IKZF2: variants seen among roughly 807,000 people sequenced by gnomAD.
The protein encoded by IKZF2 is IKAROS family zinc finger 2.
In IKZF2, 15 loss-of-function variants were observed where a neutral mutation model predicts 49.2. The observed-to-expected ratio is 0.30, with a 90% CI of 0.20 to 0.47. The LOEUF (loss-of-function observed/expected upper bound fraction) is 0.47, where lower values mean the gene tolerates loss of function less well. Ranked by LOEUF, IKZF2 falls within the 20% of genes least tolerant of loss-of-function variation. The pLI is 1.00. For synonymous variants in IKZF2, 227 were observed against 221.4 expected (o/e 1.03, Z -0.23); for missense variants, 567 against 664.6 (o/e 0.85, Z 1.61).
At chr2:213,124,705 TACA>T (rs1169673982) in intron 4 of IKZF2, among the ~76,000 whole-genome samples, 2 of 152,224 alleles carry the variant, frequency 1.3e-5, no homozygotes, top group African/African-American at 2.4e-5. Context: ...TGAATAAGTA[TACA>T]ACAACAACAA....
chr2:213,029,171 TATA>T (rs746581861), intron 6 of IKZF2, among the ~76,000 whole-genome samples: 4 of 152,050 alleles, frequency 2.6e-5, no homozygotes, highest in Non-Finnish European at 5.9e-5. Context: ...TAATGCTGAA[TATA>T]ATAATTTGTT....
chr2:213,042,146 TC>T (rs2125275789), intron 6 of IKZF2, among the ~76,000 whole-genome samples: 1 of 152,220 alleles, frequency 6.6e-6, no homozygotes, highest in East Asian at 1.9e-4. Flanking sequence ...ATTTTTTTTT[TC>T]AATCATTAGG....
intron 7 of IKZF2, among the ~76,000 whole-genome samples, chr2:213,021,241 T>A (rs1294257681): frequency 6.6e-6 from 1 of 151,604 alleles, no homozygotes; most frequent in Non-Finnish European, 1.5e-5. Context: ...TAAAAAATAA[T>A]TTAAAAAAAT....
At chr2:213,061,032 A>C (rs1003978826) in intron 4 of IKZF2, among the ~76,000 whole-genome samples, 30 of 151,588 alleles carry the variant, frequency 2.0e-4, no homozygotes, top group Admixed American at 9.2e-4. Flanking sequence ...TATGCTTTCA[A>C]AATACTATTT....
intron 4 of IKZF2, among the ~76,000 whole-genome samples, chr2:213,130,046 C>A (rs1365981329): frequency 2.0e-5 from 3 of 152,230 alleles, no homozygotes; most frequent in African/African-American, 2.4e-5. Flanking sequence ...ATGTTTTCTG[C>A]TCACTAAGTA....
intron 4 of IKZF2, among the ~76,000 whole-genome samples, chr2:213,146,762 G>GGGGGA (rs1553604959): frequency 7.4e-6 from 1 of 134,354 alleles, no homozygotes; most frequent in Non-Finnish European, 1.6e-5. Context: ...AAATCTTCGG[G>GGGGGA]GGGGGGGAAG....
chr2:213,089,392 G>A (rs1181042939), intron 4 of IKZF2, among the ~76,000 whole-genome samples: 1 of 152,006 alleles, frequency 6.6e-6, no homozygotes, highest in Non-Finnish European at 1.5e-5. Flanking sequence ...CCTCCTCACA[G>A]GGCACCTTGC....
Position 213,049,699 on chromosome 2 carries a change from T to C in IKZF2, c.574+14A>G, listed in dbSNP as rs772873926. The C allele has an allele frequency of 1.9e-5, 29 of 1,525,186 alleles. No homozygotes were observed. In the African/African-American group the frequency reaches 3.2e-4, roughly 17 times the overall value. 94.5% of individuals were successfully genotyped at this position (1,525,186 alleles called of 1,614,324 possible). On this transcript the variant is annotated intron_variant, in intron 6 of 8. Transcript: ENST00000434687. Reference sequence around the variant, plus strand: ...CTGTTTTACTTTTCTTCTCAAGGAGTTGGTGACACTTACCAGAATGGGTCC... The same window carrying C: ...CTGTTTTACTTTTCTTCTCAAGGAGCTGGTGACACTTACCAGAATGGGTCC...
At chr2:213,014,614 C>T (rs1251426420) in intron 7 of IKZF2, 4 of 152,060 alleles carry the variant, frequency 2.6e-5, no homozygotes, top group Non-Finnish European at 4.4e-5. Flanking sequence ...CACTAAACTA[C>T]TGCCCTAATT....
At chr2:213,129,319 T>C (rs990258597) in intron 4 of IKZF2, among the ~76,000 whole-genome samples, 4 of 147,244 alleles carry the variant, frequency 2.7e-5, no homozygotes, top group African/African-American at 7.6e-5. Context: ...AGGGGCTTAT[T>C]TATCTAGGAT....
chr2:213,124,276 A>G (rs1338402161), intron 4 of IKZF2, among the ~76,000 whole-genome samples: 118 of 146,994 alleles, frequency 8.0e-4, no homozygotes, highest in East Asian at 2.0e-3. Flanking sequence ...ACACACACAC[A>G]CACACACACA....
chr2:213,066,322 C>T, intron 4 of IKZF2, among the ~76,000 whole-genome samples: 1 of 151,992 alleles, frequency 6.6e-6, no homozygotes, highest in East Asian at 1.9e-4. Flanking sequence ...TGGGCAACGG[C>T]AACAGAGGGA....
At chr2:213,133,665 A>G (rs1318489858) in intron 4 of IKZF2, among the ~76,000 whole-genome samples, 1 of 151,642 alleles carries the variant, frequency 6.6e-6, no homozygotes, top group Non-Finnish European at 1.5e-5. Context: ...GCACCACCGC[A>G]CTCTAGCCTG....
rs756261889 is a variant in IKZF2 at position 213,130,849 on chromosome 2, G to A, written c.139+16859C>T. Among the ~76,000 whole-genome samples, 11 of 151,958 alleles carry A rather than the reference G, an allele frequency of 7.2e-5. No individual in the cohort carries two copies. In the East Asian group the frequency reaches 1.3e-3, roughly 19 times the overall value. On this transcript the variant is annotated intron_variant, in intron 4 of 8. Coordinates refer to ENST00000434687, the MANE Select transcript of IKZF2 (RefSeq NM_001387220.1). ...AAATAACACAAAATTTTTTTGTAAC[G>A]TTAAAGAAAACAGTGAAAGAGATAC...
At chr2:213,088,250 T>C (rs1704890082) in intron 4 of IKZF2, among the ~76,000 whole-genome samples, 1 of 152,236 alleles carries the variant, frequency 6.6e-6, no homozygotes, top group Admixed American at 6.5e-5. Flanking sequence ...ATTTCTCTGA[T>C]GGCCAGTGAT....
In IKZF2 at chr2:213,007,313, A is replaced by G; in HGVS notation, c.*47T>C. 6.4e-7 allele frequency: 1 copy of G among 1,564,126 alleles called. No homozygotes were observed. The highest frequency in any genetic ancestry group is 8.7e-7 in the Non-Finnish European group (1 of 1,155,462). On this transcript the variant is annotated 3_prime_UTR_variant, in exon 9 of 9. Transcript: ENST00000434687. The stretch of plus-strand genomic sequence containing the variant: ...GGGATTGTAAGTGCAGTATTTCTTC[A>G]TGTGCAGTTCTTTACTTCATAGGGG...
At chr2:213,120,950 C>T (rs776841546) in intron 4 of IKZF2, among the ~76,000 whole-genome samples, 13 of 152,092 alleles carry the variant, frequency 8.5e-5, no homozygotes, top group Non-Finnish European at 1.5e-4. Flanking sequence ...CCATGTTGCC[C>T]AAGCTGCTGT....
chr2:213,129,385 G>A (rs2060392274), intron 4 of IKZF2, among the ~76,000 whole-genome samples: 1 of 149,868 alleles, frequency 6.7e-6, no homozygotes, highest in African/African-American at 2.5e-5. Context: ...AGAAAAGAAG[G>A]AGGCTTTCAT....
intron 4 of IKZF2, among the ~76,000 whole-genome samples, chr2:213,077,164 A>C (rs1703361985): frequency 6.6e-6 from 1 of 152,226 alleles, no homozygotes; most frequent in Admixed American, 6.5e-5. Context: ...ACTTAATTCT[A>C]CATTTACAGA....
Sources: gnomAD v4.1 joint callset for allele counts (sites outside exome capture counted in the v4.1 genomes callset) on GRCh38, gnomAD v4.1.1 for gene constraint, MANE v1.5 for transcripts, NCBI Gene and HGNC (gene_info 2026-07-23, HGNC 2026-07-21) for gene names.